The following KAZN variants were observed in gnomAD, a reference collection of about 807,000 sequenced individuals.
KAZN encodes kazrin, periplakin interacting protein, also known as kazrin.
KAZN carries 40 observed loss-of-function variants against 87.4 expected under a neutral mutation model. The observed-to-expected ratio is 0.46, with a 90% confidence interval of 0.36 to 0.60. KAZN has a LOEUF of 0.60. KAZN is among the 20% of genes least tolerant of loss of function. KAZN has a pLI of 0.00. For synonymous variants in KAZN, 466 were observed against 458.3 expected (o/e 1.02, Z -0.22); for missense variants, 898 against 1,073.9 (o/e 0.84, Z 2.29).
chr1:13,926,722 G>C (rs943428562), intron 1 of KAZN, among the ~76,000 whole-genome samples: 4 of 151,826 alleles, frequency 2.6e-5, no homozygotes, highest in Non-Finnish European at 4.4e-5. Flanking sequence ...ATTTTCCCAA[G>C]CACAAATCAG....
chr1:15,050,225 T>C (rs1674240920), intron 4 of KAZN, among the ~76,000 whole-genome samples: 1 of 131,820 alleles, frequency 7.6e-6, no homozygotes, highest in Admixed American at 7.7e-5. Context: ...GAATAGAACC[T>C]TCCCCCTAGA....
chr1:15,070,439 G>C (rs531721537), intron 8 of KAZN, among the ~76,000 whole-genome samples: 10 of 152,180 alleles, frequency 6.6e-5, no homozygotes, highest in Non-Finnish European at 1.2e-4. Flanking sequence ...TGGCCCTGCA[G>C]TCCAACCCCT....
intron 2 of KAZN, among the ~76,000 whole-genome samples, chr1:14,983,099 A>G (rs561951184): frequency 1.3e-5 from 2 of 152,228 alleles, no homozygotes; most frequent in Non-Finnish European, 2.9e-5. Context: ...TTTTTATTCC[A>G]GAAATGAGAA....
intron 2 of KAZN, among the ~76,000 whole-genome samples, chr1:14,245,989 T>C (rs916997559): frequency 2.0e-5 from 3 of 152,180 alleles, no homozygotes; most frequent in African/African-American, 7.2e-5. Flanking sequence ...CCATGGAGTA[T>C]TAATGTAGCC....
chr1:14,117,600 C>T (rs1444314599), intron 1 of KAZN, among the ~76,000 whole-genome samples: 2 of 152,050 alleles, frequency 1.3e-5, no homozygotes, highest in Admixed American at 1.3e-4. Flanking sequence ...GTCAGCAGGT[C>T]TGAAATCAGG....
chr1:14,064,243 C>G (rs1357739940), intron 1 of KAZN, among the ~76,000 whole-genome samples: 1 of 152,198 alleles, frequency 6.6e-6, no homozygotes, highest in Non-Finnish European at 1.5e-5. Flanking sequence ...CAGAAGAGAG[C>G]TCTGAGGGGC....
Position 14,418,562 on chromosome 1 carries a change from TATC to T in KAZN, c.250-180419_250-180417del, listed in dbSNP as rs1380537273. ...TGAAAATTAGGAACCAGTCAGAATT[TATC>T]ACCATCAGGCAAGGAAAATGAGTTT... On this transcript the variant is annotated intron_variant, in intron 2 of 16. Coordinates refer to the KAZN transcript ENST00000636203. Among the ~76,000 whole-genome samples the T allele has an allele frequency of 2.0e-5, 3 of 152,208 alleles. No individual in the cohort carries two copies. The East Asian group carries it at 5.8e-4, about 29-fold the overall frequency.
At chr1:14,570,096 G>C (rs1002236948) in intron 2 of KAZN, among the ~76,000 whole-genome samples, 2 of 152,128 alleles carry the variant, frequency 1.3e-5, no homozygotes, top group Non-Finnish European at 2.9e-5. Context: ...CTGGGTGACA[G>C]AGCGAGACTC....
chr1:14,862,017 T>A (rs1306347012), intron 1 of KAZN, among the ~76,000 whole-genome samples: 1 of 152,194 alleles, frequency 6.6e-6, no homozygotes, highest in African/African-American at 2.4e-5. Flanking sequence ...GCCCATAATT[T>A]TATTTAAACC....
chr1:15,095,042 G>A (rs1235880977), intron 10 of KAZN, 109 bp downstream of exon 10: 7 of 738,278 alleles, frequency 9.5e-6, no homozygotes, highest in African/African-American at 1.7e-5. Flanking sequence ...AGGTGGTGGG[G>A]GACAGCAGGG....
chr1:13,929,248 T>G (rs1640412493), intron 1 of KAZN, among the ~76,000 whole-genome samples: 1 of 152,056 alleles, frequency 6.6e-6, no homozygotes, highest in Non-Finnish European at 1.5e-5. Flanking sequence ...TTGGGCCCCT[T>G]GGACCCAGGA....
At chr1:14,020,162 G>T (rs1249448961) in intron 1 of KAZN, among the ~76,000 whole-genome samples, 1 of 152,138 alleles carries the variant, frequency 6.6e-6, no homozygotes, top group Non-Finnish European at 1.5e-5. Context: ...TGCTGCCACT[G>T]ATCTGACAGG....
intron 13 of KAZN, among the ~76,000 whole-genome samples, chr1:15,108,279 C>A (rs1451356336): frequency 6.6e-6 from 1 of 152,154 alleles, no homozygotes; most frequent in African/African-American, 2.4e-5. Flanking sequence ...AGATTCTGTC[C>A]CACCCCACCC....
intron 6 of KAZN, chr1:15,061,624 A>C (rs1246853565): frequency 1.3e-5 from 2 of 152,190 alleles, no homozygotes; most frequent in South Asian, 4.1e-4. Context: ...GGCTCAAACA[A>C]TTCTCCTGCC....
chr1:14,557,621 TGTGTGTGG>T (rs1297152124), intron 2 of KAZN, among the ~76,000 whole-genome samples: 23 of 84,836 alleles, frequency 2.7e-4, no homozygotes, highest in Middle Eastern at 4.6e-3. Flanking sequence ...ACCAATAGGG[TGTGTGTGG>T]GTGTGTGTGT....
At chr1:14,050,006 G>A (rs1642241797) in intron 1 of KAZN, among the ~76,000 whole-genome samples, 1 of 152,190 alleles carries the variant, frequency 6.6e-6, no homozygotes, top group Non-Finnish European at 1.5e-5. Flanking sequence ...AAAGGGAGAG[G>A]GGCCAACTGT....
chr1:14,543,940 GC>G (rs1397990673), intron 2 of KAZN, among the ~76,000 whole-genome samples: 3 of 152,184 alleles, frequency 2.0e-5, no homozygotes, highest in Admixed American at 6.5e-5. Flanking sequence ...ACACTTTGTT[GC>G]CTATTAAGAC....
chr1:14,595,613 G>A (rs1277316954), upstream of KAZN, among the ~76,000 whole-genome samples: 8 of 150,558 alleles, frequency 5.3e-5, no homozygotes, highest in Admixed American at 1.3e-4. Context: ...CCCAGGAGGC[G>A]GAGGTTGCAG....
At chr1:14,223,428 A>C (rs1163794574) in intron 2 of KAZN, among the ~76,000 whole-genome samples, 2 of 152,150 alleles carry the variant, frequency 1.3e-5, no homozygotes, top group African/African-American at 4.8e-5. Context: ...AGCTGTACAA[A>C]CCCTGTCATC....
Sources: gnomAD v4.1 joint callset for allele counts (sites outside exome capture counted in the v4.1 genomes callset) on GRCh38, gnomAD v4.1.1 for gene constraint, MANE v1.5 for transcripts, NCBI Gene and HGNC (gene_info 2026-07-23, HGNC 2026-07-21) for gene names.